The following GRHL3 variants were observed in gnomAD, a reference collection of about 807,000 sequenced individuals.
GRHL3 encodes grainyhead-like protein 3 homolog.
Under a neutral mutation model 70.3 loss-of-function variants are expected in GRHL3, and 20 were observed. The ratio of observed to expected loss-of-function variants is 0.28; its 90% CI spans 0.20 to 0.41. GRHL3 has a LOEUF of 0.41. Ranked by LOEUF, GRHL3 falls within the 10% of genes least tolerant of loss-of-function variation. The pLI is 1.00. For synonymous variants in GRHL3, 299 were observed against 299.9 expected (o/e 1.00, Z 0.03); for missense variants, 637 against 762.3 (o/e 0.84, Z 1.94).
chr1:24,337,860 C>A (rs1030224411), intron 6 of GRHL3, 71 bp downstream of exon 6: 8 of 1,598,708 alleles, frequency 5.0e-6, no homozygotes, highest in Non-Finnish European at 6.8e-6. Flanking sequence ...GGGCTAGCCA[C>A]GGACCCTGGG....
At chr1:24,336,867 G>A (rs780260695) in intron 4 of GRHL3, 40 bp downstream of exon 4, 16 of 1,454,858 alleles carry the variant, frequency 1.1e-5, no homozygotes, top group Non-Finnish European at 1.5e-5. Context: ...ATAGATATGT[G>A]TGTGCATATA....
chr1:24,337,563 C>G, intron 5 of GRHL3, 73 bp from the exon 6 acceptor site: 1 of 1,495,892 alleles, frequency 6.7e-7, no homozygotes, highest in Admixed American at 1.8e-5. Context: ...CCTCAGGCTT[C>G]CTGCCCCACT....
At position 24,322,863 on chromosome 1, in the gene GRHL3, C is replaced by T. The variant is rs113021820; in HGVS notation, c.17+3295C>T. Among the ~76,000 whole-genome samples the T allele has an allele frequency of 3.4e-3, 516 of 152,356 alleles. 6 individuals carry two copies. Among genetic ancestry groups the T allele is most frequent in the African/African-American group, 0.012 (497 of 41,582 alleles). The stretch of plus-strand genomic sequence containing the variant: ...ATAAATACACGCTCTTCTTTAAACC[C>T]TCCCAACAAACTAATGCGGGATGGG... On this transcript the variant is annotated intron_variant, in intron 1 of 15. Coordinates refer to ENST00000361548, the MANE Select transcript of GRHL3 (RefSeq NM_198173.3). This position sits in a 1 kb window ranked among gnomAD's most constrained non-coding sequence, Gnocchi z 4.4.
chr1:24,324,758 T>C (rs1305405557), intron 1 of GRHL3, among the ~76,000 whole-genome samples: 1 of 152,038 alleles, frequency 6.6e-6, no homozygotes, highest in African/African-American at 2.4e-5. Flanking sequence ...AGTCACCCAG[T>C]AAGTAGCAGA....
At chr1:24,350,247 C>A in intron 15 of GRHL3, 125 bp downstream of exon 15, 1 of 661,602 alleles carries the variant, frequency 1.5e-6, no homozygotes, top group Non-Finnish European at 2.6e-6. Flanking sequence ...CAGGCCAAAG[C>A]CACTGGTCAC....
chr1:24,363,097 C>T (rs1374434133), intron 15 of GRHL3, among the ~76,000 whole-genome samples: 2 of 152,204 alleles, frequency 1.3e-5, no homozygotes, highest in Non-Finnish European at 2.9e-5. Context: ...CACCCCATCA[C>T]TGGTCTGGGT....
At position 24,322,213 on chromosome 1, in the gene GRHL3, T is replaced by A. The variant is rs1639218858; in HGVS notation, c.17+2645T>A. 6.6e-6 allele frequency among the ~76,000 whole-genome samples: 1 copy of A among 152,110 alleles called. No individual in the cohort carries two copies. Among genetic ancestry groups the A allele is most frequent in the Non-Finnish European group, 1.5e-5 (1 of 67,984 alleles). The stretch of plus-strand genomic sequence containing the variant: ...CGAGGCAGGAGCGTCCCCCGCGGCC[T>A]CGCTCCCTGCTCTCTGGGCCCCACC... On this transcript the variant is annotated intron_variant, in intron 1 of 15. Coordinates refer to ENST00000361548, the MANE Select transcript of GRHL3 (RefSeq NM_198173.3). The surrounding 1 kb of genome is among the most constrained non-coding windows in gnomAD (Gnocchi z 4.4).
Position 24,342,905 on chromosome 1 carries a change from C to T in GRHL3, c.1299C>T (p.Cys433=), listed in dbSNP as rs1339620350. Residue 433 remains cysteine (C), a synonymous_variant, in exon 11 of 16, where the codon TGC becomes TGT. Transcript: ENST00000361548. This position sits in a 1 kb window ranked among gnomAD's most constrained non-coding sequence, Gnocchi z 4.8. The part of the protein sequence containing the change: ...PDSSNSGVKG[C]LLSGFRGNET... ...TTCTCCCATCAGGCGTCAAGGGCTG[C>T]CTGCTGTCGGGCTTCAGGGGCAATG... 6.2e-7 allele frequency: 1 copy of T among 1,614,178 alleles called. No homozygotes were observed.
At chr1:24,340,529 T>G (rs1358171329) in intron 8 of GRHL3, among the ~76,000 whole-genome samples, 4 of 152,188 alleles carry the variant, frequency 2.6e-5, no homozygotes, top group Non-Finnish European at 5.9e-5. Context: ...GGTTTGCTGT[T>G]TAGAGAGCCA....
At position 24,334,069 on chromosome 1, in the gene GRHL3, T is replaced by C. The variant is rs1639705704; in HGVS notation, c.205-576T>C. Among the ~76,000 whole-genome samples, 1 of 152,196 alleles carries C rather than the reference T, an allele frequency of 6.6e-6. No homozygotes were observed. Among genetic ancestry groups the C allele is most frequent in the Non-Finnish European group, 1.5e-5 (1 of 68,030 alleles). ...CAGGCCTGCCTGACTCCAAATTTCA[T>C]GCTCCTTAACTATCAAGCTTGAGGT... On this transcript the variant is annotated intron_variant, in intron 2 of 15. Coordinates refer to ENST00000361548, the MANE Select transcript of GRHL3 (RefSeq NM_198173.3). The surrounding 1 kb of genome is among the most constrained non-coding windows in gnomAD (Gnocchi z 4.3).
At chr1:24,351,019 A>G (rs1557706150) in intron 15 of GRHL3, among the ~76,000 whole-genome samples, 1 of 152,228 alleles carries the variant, frequency 6.6e-6, no homozygotes. Flanking sequence ...GCCCCCAGAC[A>G]GTGAGGAATT....
At chr1:24,354,338 T>G in intron 15 of GRHL3, 36 bp from the exon 16 acceptor site, 1 of 1,477,838 alleles carries the variant, frequency 6.8e-7, no homozygotes, top group Non-Finnish European at 9.5e-7. Flanking sequence ...ACAGGGCGCC[T>G]GCTGTGTTCC....
At chr1:24,329,364 T>C (rs982368648) in intron 1 of GRHL3, among the ~76,000 whole-genome samples, 2 of 152,230 alleles carry the variant, frequency 1.3e-5, no homozygotes, top group Non-Finnish European at 2.9e-5. Flanking sequence ...GGGTACTTCA[T>C]GCACCTGATT....
chr1:24,352,031 A>C (rs540058937), intron 15 of GRHL3, among the ~76,000 whole-genome samples: 6 of 152,206 alleles, frequency 3.9e-5, no homozygotes, highest in African/African-American at 1.4e-4. Flanking sequence ...GTGCAAATAA[A>C]GGATGCAGCC....
At position 24,354,890 on chromosome 1, in the gene GRHL3, C is replaced by T. The variant is rs143722822; in HGVS notation, c.*402C>T. On this transcript the variant is annotated 3_prime_UTR_variant, in exon 16 of 16. Transcript: ENST00000361548. ...CACGCCAGCTGGTGCGGCCCCCACT[C>T]TCTGTCTTCCTTCAACTTCAGACAA... 428 of 159,446 alleles carry T rather than the reference C, an allele frequency of 2.7e-3. 2 individuals carry two copies. Among genetic ancestry groups the T allele is most frequent in the African/African-American group, 9.5e-3 (398 of 41,838 alleles). 9.9% of individuals were successfully genotyped at this position (159,446 alleles called of 1,614,324 possible).
chr1:24,336,708 TTAC>T lies in GRHL3; in HGVS notation c.494_496del (p.Leu165_Pro166delinsSer). The T allele has an allele frequency of 6.2e-7, 1 of 1,614,148 alleles. No individual in the cohort carries two copies. Among genetic ancestry groups the T allele is most frequent in the Non-Finnish European group, 8.5e-7 (1 of 1,180,010 alleles). On this transcript the variant is annotated inframe_deletion, in exon 4 of 16. Coordinates refer to ENST00000361548, the MANE Select transcript of GRHL3 (RefSeq NM_198173.3). ...GGCCGGCTCTGTGGACAGCTACCTG[TTAC>T]CCACCACTGATATGTATGATAATGG... is the stretch of plus-strand genomic sequence containing the variant.
At chr1:24,350,947 A>C (rs1318349251) in intron 15 of GRHL3, among the ~76,000 whole-genome samples, 1 of 152,154 alleles carries the variant, frequency 6.6e-6, no homozygotes, top group African/African-American at 2.4e-5. Flanking sequence ...CCCTGGTCAG[A>C]GCTAGTGAGC....
chr1:24,339,639 A>G, intron 7 of GRHL3, 29 bp from the exon 8 acceptor site: 1 of 1,539,500 alleles, frequency 6.5e-7, no homozygotes, highest in Non-Finnish European at 8.9e-7. Flanking sequence ...TTCCTTCCTG[A>G]TTCTCCTTCT....
chr1:24,343,275 A>G, intron 11 of GRHL3: 1 of 465,208 alleles, frequency 2.1e-6, no homozygotes, highest in South Asian at 3.3e-5. Context: ...GGGCACACAA[A>G]GAGGAGGCTT....
Sources: gnomAD v4.1 joint callset for allele counts (sites outside exome capture counted in the v4.1 genomes callset) on GRCh38, gnomAD v4.1.1 for gene constraint, Gnocchi (gnomAD v3.1) non-coding constraint, MANE v1.5 for transcripts, NCBI Gene and HGNC (gene_info 2026-07-23, HGNC 2026-07-21) for gene names.